The following OSBPL2 variants were observed in gnomAD, a reference collection of about 807,000 sequenced individuals.
The protein encoded by OSBPL2 is oxysterol-binding protein-related protein 2.
In OSBPL2, 18 loss-of-function variants were observed where a neutral mutation model predicts 58.4. The ratio of observed to expected loss-of-function variants is 0.31; its 90% CI spans 0.21 to 0.46. OSBPL2 has a LOEUF of 0.46. OSBPL2 is among the 20% of genes least tolerant of loss of function. The pLI is 1.00. For synonymous variants in OSBPL2, 221 were observed against 234.1 expected, an observed-to-expected ratio of 0.94 and a Z score of 0.51; for missense variants, 461 against 616.5, an observed-to-expected ratio of 0.75 and a Z score of 2.67.
chr20:62,250,565 A>G (rs938132496), intron 1 of OSBPL2, among the ~76,000 whole-genome samples: 1 of 152,164 alleles, frequency 6.6e-6, no homozygotes, highest in Non-Finnish European at 1.5e-5. Context: ...AAGATTTCCC[A>G]TAAGCTGTGA....
intron 2 of OSBPL2, among the ~76,000 whole-genome samples, chr20:62,257,545 A>G (rs1260619820): frequency 6.6e-6 from 1 of 152,060 alleles, no homozygotes; most frequent in Non-Finnish European, 1.5e-5. Flanking sequence ...TGAATCCCAC[A>G]CAGCGGAGGG....
At position 62,273,416 on chromosome 20, in the gene OSBPL2, G is replaced by A. The variant is rs779751948; in HGVS notation, c.491+10G>A. The A allele has an allele frequency of 5.8e-6, 9 of 1,565,078 alleles. No homozygotes were observed. The highest frequency in any genetic ancestry group is 1.8e-5 in the Admixed American group (1 of 54,980). Reference sequence around the variant, plus strand: ...CGTATGAATTAATCAGGTAAGGGGGGAAAGGCCCATCATAAATATCTTGTA... The same window carrying A: ...CGTATGAATTAATCAGGTAAGGGGGAAAAGGCCCATCATAAATATCTTGTA... On this transcript the variant is annotated intron_variant, in intron 6 of 13. Transcript: ENST00000313733.
intron 1 of OSBPL2, chr20:62,242,250 A>G (rs1018192661): frequency 6.6e-6 from 1 of 152,208 alleles, no homozygotes; most frequent in Admixed American, 6.5e-5. Context: ...CTTGATAATA[A>G]AAGCATCTGT....
chr20:62,289,234 A>G lies in OSBPL2; in HGVS notation c.1153A>G (p.Ser385Gly). The G allele has an allele frequency of 6.2e-7, 1 of 1,613,822 alleles. No homozygotes were observed. The highest frequency in any genetic ancestry group is 8.5e-7 in the Non-Finnish European group (1 of 1,179,882). The change falls in exon 12 of 14, where the codon AGC (serine) becomes GGC (glycine). Residue 385 changes from serine to glycine, a missense_variant. Physicochemically the swap from Ser to Gly is moderately conservative, Grantham distance 56. Transcript: ENST00000313733. ...QMYNFTSFTV[S>G]LNELETGMEK... is the part of the protein sequence containing the mutation. Reference sequence around the variant, plus strand: ...GTATAATTTCACCAGTTTCACTGTGAGCCTCAACGAGCTGGAGACAGGCAT... The same window carrying G: ...GTATAATTTCACCAGTTTCACTGTGGGCCTCAACGAGCTGGAGACAGGCAT...
chr20:62,273,331 C>T lies in OSBPL2; in HGVS notation c.416C>T (p.Ser139Leu), dbSNP rs767753104. ...CAGTCTGTGGCTGCTTTTGCTGTTT[C>T]GGCTGTGGCTTCCCAGTGGGAGAGG... Reference protein sequence around the residue: ...RMQSVAAFAVSAVASQWERTG... With the variant: ...RMQSVAAFAVLAVASQWERTG... Residue 139 changes from serine (S) to leucine (L), a missense_variant, in exon 6 of 14, where the codon TCG (serine) becomes TTG (leucine). Physicochemically the swap from Ser to Leu is moderately radical, Grantham distance 145. Coordinates refer to ENST00000313733, the MANE Select transcript of OSBPL2 (RefSeq NM_144498.4). 4.4e-6 allele frequency: 7 copies of T among 1,605,622 alleles called. 1 individual carries two copies. The highest frequency in any genetic ancestry group is 2.3e-5 in the East Asian group (1 of 44,102).
At chr20:62,242,343 A>G (rs1979787960) in intron 1 of OSBPL2, 1 of 152,250 alleles carries the variant, frequency 6.6e-6, no homozygotes, top group Non-Finnish European at 1.5e-5. Context: ...ACTTGGGATC[A>G]TTCAGCAGAA....
chr20:62,268,810 C>A (rs983520952), intron 4 of OSBPL2, among the ~76,000 whole-genome samples: 1 of 152,178 alleles, frequency 6.6e-6, no homozygotes, highest in African/African-American at 2.4e-5. Context: ...GTAATCCCAG[C>A]ACTTTAGGAG....
At chr20:62,261,827 G>A (rs376344801) in intron 3 of OSBPL2, among the ~76,000 whole-genome samples, 7 of 152,112 alleles carry the variant, frequency 4.6e-5, no homozygotes, top group South Asian at 2.1e-4. Context: ...GTTCAGTGGC[G>A]TGACCTCGGA....
intron 9 of OSBPL2, chr20:62,282,126 C>T (rs1204058336): frequency 3.1e-6 from 1 of 321,274 alleles, no homozygotes; most frequent in Non-Finnish European, 5.9e-6. Flanking sequence ...GGGCCATCTT[C>T]TTTTGATAAA....
At chr20:62,292,896 T>C (rs563476042) in intron 13 of OSBPL2, among the ~76,000 whole-genome samples, 24 of 143,910 alleles carry the variant, frequency 1.7e-4, no homozygotes, top group Middle Eastern at 3.5e-3. Flanking sequence ...TTTTTTTTTT[T>C]TGTTGTTGTT....
chr20:62,277,465 G>A (rs1389626556), intron 6 of OSBPL2, among the ~76,000 whole-genome samples: 1 of 152,174 alleles, frequency 6.6e-6, no homozygotes, highest in East Asian at 1.9e-4. Context: ...GAGACACGTC[G>A]TCTGTCATGA....
In OSBPL2 at chr20:62,291,565, T is replaced by C. The variant is rs115336619; in HGVS notation, c.1250-138T>C. On this transcript the variant is annotated intron_variant, in intron 12 of 13. Transcript: ENST00000313733. ...CCTCGGCAACTGTGATTGTGTTTGG[T>C]CTCCCGATCACAGAACCTGTTGTCT... is the stretch of plus-strand genomic sequence containing the variant. The C allele has an allele frequency of 3.9e-3, 2,997 of 769,468 alleles. 53 individuals carry two copies. The highest frequency in any genetic ancestry group is 0.037 in the African/African-American group (2,190 of 58,692). 47.7% of individuals were successfully genotyped at this position (769,468 alleles called of 1,614,324 possible). A position where few individuals can be genotyped will look rare whatever the true frequency, so the allele number is the denominator to read the frequency against.
At chr20:62,262,091 C>A (rs113674180) in intron 3 of OSBPL2, among the ~76,000 whole-genome samples, 83 of 150,146 alleles carry the variant, frequency 5.5e-4, no homozygotes, top group African/African-American at 2.0e-3. Flanking sequence ...GGACCCCCCC[C>A]CCACCCCGTC....
intron 3 of OSBPL2, among the ~76,000 whole-genome samples, chr20:62,260,960 AG>A (rs1274184592): frequency 6.6e-6 from 1 of 152,072 alleles, no homozygotes; most frequent in African/African-American, 2.4e-5. Flanking sequence ...GCTGCACTCT[AG>A]TATGGGCAAC....
intron 4 of OSBPL2, chr20:62,271,753 G>C (rs1982075903): frequency 4.6e-6 from 1 of 216,492 alleles, no homozygotes; most frequent in African/African-American, 2.3e-5. Context: ...TGCCCAGCCT[G>C]GGACCACTAC....
chr20:62,250,955 A>T (rs1232117652), intron 1 of OSBPL2, among the ~76,000 whole-genome samples: 1 of 151,748 alleles, frequency 6.6e-6, no homozygotes, highest in African/African-American at 2.4e-5. Flanking sequence ...ATAAATAAAC[A>T]AGCAAAAGGG....
intron 1 of OSBPL2, among the ~76,000 whole-genome samples, chr20:62,247,946 AGCCACTAC>A (rs1980244768): frequency 6.6e-6 from 1 of 151,490 alleles, no homozygotes; most frequent in South Asian, 2.1e-4. Context: ...TACAGGTGTG[AGCCACTAC>A]GCCCGGCCCC....
At chr20:62,287,601 C>T (rs762328753) in intron 11 of OSBPL2, among the ~76,000 whole-genome samples, 1 of 152,118 alleles carries the variant, frequency 6.6e-6, no homozygotes, top group African/African-American at 2.4e-5. Context: ...GGACCACAGG[C>T]GTGTGCCACC....
rs938437548 is a variant in OSBPL2 at position 62,295,885 on chromosome 20, C to A, written c.*1998C>A. 2 of 152,182 alleles carry A rather than the reference C, an allele frequency of 1.3e-5. No individual in the cohort carries two copies. Among genetic ancestry groups the A allele is most frequent in the African/African-American group, 4.8e-5 (2 of 41,446 alleles). The allele number at this position is 152,182 out of a possible 1,614,324, so 9.4% of individuals were successfully genotyped here. A position where few individuals can be genotyped will look rare whatever the true frequency, so the allele number is the denominator to read the frequency against. On this transcript the variant is annotated 3_prime_UTR_variant, in exon 14 of 14. Transcript: ENST00000313733. This position sits in a 1 kb window ranked among gnomAD's most constrained non-coding sequence, Gnocchi z 4.8. ...ACTTGTTACTGGTTAAGATAATTTG[C>A]CCACGGGTTTGTTTCCAAGTCCTCT...
Sources: allele counts gnomAD v4.1 joint callset (sites outside exome capture counted in the v4.1 genomes callset), GRCh38; gene constraint gnomAD v4.1.1; non-coding constraint Gnocchi (gnomAD v3.1); transcripts MANE v1.5; gene names NCBI Gene and HGNC (gene_info 2026-07-23, HGNC 2026-07-21).